Variants in CNTN4 observed in about 807,000 individuals in gnomAD.
The protein encoded by CNTN4 is contactin-4.
In CNTN4, 77 loss-of-function variants were observed where a neutral mutation model predicts 122.5. The observed-to-expected ratio is 0.63, with a 90% CI of 0.52 to 0.76. The LOEUF is 0.76. CNTN4 is among the 30% of genes least tolerant of loss of function. The probability of loss-of-function intolerance (pLI) is 0.00; values close to 1 mark genes in which losing one functional copy is unlikely to be tolerated. For synonymous variants in CNTN4, 512 were observed against 447.0 expected, an observed-to-expected ratio of 1.15 and a Z score of -1.83; for missense variants, 1,256 against 1,259.1, an observed-to-expected ratio of 1.00 and a Z score of 0.04.
chr3:2,860,893 A>G (rs1455315540), intron 7 of CNTN4, among the ~76,000 whole-genome samples: 2 of 152,140 alleles, frequency 1.3e-5, no homozygotes, highest in Non-Finnish European at 2.9e-5. Flanking sequence ...ATTGTGCACA[A>G]TCATCAGTGC....
intron 2 of CNTN4, among the ~76,000 whole-genome samples, chr3:2,107,526 T>C (rs2032550827): frequency 6.6e-6 from 1 of 152,120 alleles, no homozygotes; most frequent in Non-Finnish European, 1.5e-5. Flanking sequence ...ATGAGGGAAC[T>C]GCTCCCATGA....
At chr3:2,109,098 A>AT (rs1261437293) in intron 2 of CNTN4, among the ~76,000 whole-genome samples, 1 of 152,210 alleles carries the variant, frequency 6.6e-6, no homozygotes, top group Non-Finnish European at 1.5e-5. Context: ...TGACTGCAGG[A>AT]TTAGTTCCTT....
chr3:2,371,708 A>G (rs903173232), intron 3 of CNTN4, among the ~76,000 whole-genome samples: 4 of 152,168 alleles, frequency 2.6e-5, no homozygotes, highest in Non-Finnish European at 5.9e-5. Context: ...TGTAACATAT[A>G]TTTTTGAATG....
intron 4 of CNTN4, among the ~76,000 whole-genome samples, chr3:2,667,014 A>T (rs554197076): frequency 1.3e-5 from 2 of 151,950 alleles, no homozygotes; most frequent in Non-Finnish European, 2.9e-5. Context: ...GGTTGGTTCC[A>T]AGTCTTTGCT....
At chr3:2,576,802 C>T (rs1318049321) in intron 4 of CNTN4, among the ~76,000 whole-genome samples, 1 of 152,176 alleles carries the variant, frequency 6.6e-6, no homozygotes, top group African/African-American at 2.4e-5. Context: ...CGTGCCTTGC[C>T]TTCCCAAAGT....
At chr3:2,155,014 A>G (rs1360579560) in intron 2 of CNTN4, among the ~76,000 whole-genome samples, 1 of 152,218 alleles carries the variant, frequency 6.6e-6, no homozygotes, top group African/African-American at 2.4e-5. Context: ...CATCTCCTTC[A>G]GATACCTTTT....
chr3:2,963,188 A>T (rs2094879394), intron 13 of CNTN4, among the ~76,000 whole-genome samples: 1 of 151,926 alleles, frequency 6.6e-6, no homozygotes, highest in African/African-American at 2.4e-5. Context: ...CATCATTATC[A>T]TATCTCTTCC....
chr3:2,671,561 T>G (rs1380822230), intron 4 of CNTN4, among the ~76,000 whole-genome samples: 1 of 152,208 alleles, frequency 6.6e-6, no homozygotes, highest in Non-Finnish European at 1.5e-5. Context: ...TGAAGAAGTT[T>G]GATCATCTGA....
chr3:3,041,839 G>A (rs1302577829), intron 20 of CNTN4, among the ~76,000 whole-genome samples: 1 of 152,084 alleles, frequency 6.6e-6, no homozygotes, highest in Non-Finnish European at 1.5e-5. Flanking sequence ...ATGTGTGTGT[G>A]GTCCCAGCTA....
chr3:2,720,437 A>T (rs2087776113), intron 4 of CNTN4, among the ~76,000 whole-genome samples: 1 of 152,194 alleles, frequency 6.6e-6, no homozygotes, highest in Admixed American at 6.5e-5. Flanking sequence ...GATTAAAGGT[A>T]GGTTTTCTGG....
intron 14 of CNTN4, among the ~76,000 whole-genome samples, chr3:3,008,414 G>A (rs1297868078): frequency 6.6e-6 from 1 of 152,202 alleles, no homozygotes; most frequent in African/African-American, 2.4e-5. Flanking sequence ...CTAAATAACA[G>A]CAAGCCAAAG....
chr3:2,647,837 A>G (rs1278718298), intron 4 of CNTN4, among the ~76,000 whole-genome samples: 1 of 152,146 alleles, frequency 6.6e-6, no homozygotes, highest in Non-Finnish European at 1.5e-5. Flanking sequence ...TTTCTATTTT[A>G]TGGTCATTGT....
At chr3:2,514,055 C>G (rs951553663) in intron 3 of CNTN4, among the ~76,000 whole-genome samples, 2 of 152,240 alleles carry the variant, frequency 1.3e-5, no homozygotes, top group East Asian at 3.9e-4. Flanking sequence ...CTCTTTAGTT[C>G]CTAGAAAGCC....
intron 2 of CNTN4, among the ~76,000 whole-genome samples, chr3:2,107,230 G>T (rs151184657): frequency 3.8e-4 from 58 of 152,214 alleles, no homozygotes; most frequent in African/African-American, 1.3e-3. Flanking sequence ...CTTTATAGCA[G>T]TACCCCACTC....
chr3:2,969,556 A>G (rs543159021), intron 13 of CNTN4, among the ~76,000 whole-genome samples: 1 of 150,480 alleles, frequency 6.6e-6, no homozygotes, highest in Non-Finnish European at 1.5e-5. Flanking sequence ...ACAAAGAGAA[A>G]TGGATGCTGT....
intron 2 of CNTN4, among the ~76,000 whole-genome samples, chr3:2,299,276 A>G (rs938875983): frequency 2.0e-5 from 3 of 152,162 alleles, no homozygotes; most frequent in African/African-American, 7.2e-5. Flanking sequence ...ACATTTGGGG[A>G]ATGTTTTTAT....
intron 3 of CNTN4, among the ~76,000 whole-genome samples, chr3:2,514,894 C>T (rs2076996206): frequency 6.6e-6 from 1 of 151,632 alleles, no homozygotes; most frequent in Non-Finnish European, 1.5e-5. Context: ...TTTCTTTCTT[C>T]CTCCCTTTTT....
At chr3:2,487,316 C>A (rs11713873) in intron 3 of CNTN4, among the ~76,000 whole-genome samples, 1 of 151,938 alleles carries the variant, frequency 6.6e-6, no homozygotes, top group South Asian at 2.1e-4. Context: ...ATTACCAATT[C>A]GTAGTATGGA....
intron 7 of CNTN4, among the ~76,000 whole-genome samples, chr3:2,822,699 A>G (rs1250040214): frequency 1.4e-4 from 22 of 152,178 alleles, no homozygotes; most frequent in Admixed American, 1.4e-3. Context: ...GAAAGGCAAA[A>G]CACATGGAGT....
Sources: gnomAD v4.1 joint callset for allele counts (sites outside exome capture counted in the v4.1 genomes callset) on GRCh38, gnomAD v4.1.1 for gene constraint, MANE v1.5 for transcripts, NCBI Gene and HGNC (gene_info 2026-07-23, HGNC 2026-07-21) for gene names.